DLG2: variants seen among roughly 807,000 people sequenced by gnomAD.
DLG2 encodes the protein disks large homolog 2.
In DLG2, 45 loss-of-function variants were observed where a neutral mutation model predicts 132.5. The ratio of observed to expected loss-of-function variants is 0.34; its 90% CI spans 0.27 to 0.44. DLG2 has a LOEUF of 0.44. Ranked by LOEUF, DLG2 falls within the 20% of genes least tolerant of loss-of-function variation. DLG2 has a pLI of 1.00. For missense variants in DLG2, 1,045 were observed against 1,196.9 expected, an observed-to-expected ratio of 0.87 and a Z score of 1.87; for synonymous variants, 424 against 419.6, an observed-to-expected ratio of 1.01 and a Z score of -0.13.
chr11:83,504,910 AT>A (rs1178643255), intron 21 of DLG2, among the ~76,000 whole-genome samples: 3 of 152,162 alleles, frequency 2.0e-5, no homozygotes, highest in African/African-American at 7.2e-5. Context: ...CTATTTCACC[AT>A]TCTATCAATC....
intron 4 of DLG2, among the ~76,000 whole-genome samples, chr11:85,167,349 G>C (rs1031517941): frequency 2.6e-5 from 4 of 152,056 alleles, no homozygotes; most frequent in East Asian, 3.9e-4. Context: ...TCATACAAAA[G>C]AAATGTTACA....
chr11:83,498,782 T>G (rs2094294419), intron 21 of DLG2, among the ~76,000 whole-genome samples: 1 of 151,436 alleles, frequency 6.6e-6, no homozygotes, highest in Non-Finnish European at 1.5e-5. Context: ...ATCTTTTTTT[T>G]TTTTTGCAAA....
intron 3 of DLG2, among the ~76,000 whole-genome samples, chr11:85,445,966 T>C (rs1036730469): frequency 6.6e-6 from 1 of 152,180 alleles, no homozygotes; most frequent in Non-Finnish European, 1.5e-5. Context: ...CACAGAGATA[T>C]TAAACAACTT....
intron 8 of DLG2, among the ~76,000 whole-genome samples, chr11:84,221,736 C>G (rs530026690): frequency 1.3e-5 from 2 of 152,042 alleles, no homozygotes; most frequent in African/African-American, 4.8e-5. Context: ...GTTAGCATTA[C>G]AATTTGAAGG....
At chr11:84,161,878 A>G (rs2095554892) in intron 9 of DLG2, among the ~76,000 whole-genome samples, 1 of 152,194 alleles carries the variant, frequency 6.6e-6, no homozygotes, top group African/African-American at 2.4e-5. Flanking sequence ...CTCATTTTCC[A>G]TAAGCCTCAC....
chr11:84,752,987 G>T (rs1306218694), intron 6 of DLG2, among the ~76,000 whole-genome samples: 2 of 152,030 alleles, frequency 1.3e-5, no homozygotes, highest in East Asian at 3.9e-4. Flanking sequence ...ATTTGGGTTG[G>T]TTCCAAGATA....
At chr11:84,721,867 G>T (rs777297340) in intron 6 of DLG2, among the ~76,000 whole-genome samples, 6 of 152,236 alleles carry the variant, frequency 3.9e-5, no homozygotes, top group African/African-American at 1.2e-4. Flanking sequence ...AGGAAGACTA[G>T]ACAGATATAC....
intron 4 of DLG2, among the ~76,000 whole-genome samples, chr11:85,277,762 T>C (rs556482619): frequency 6.6e-6 from 1 of 152,270 alleles, no homozygotes; most frequent in South Asian, 2.1e-4. Flanking sequence ...TGAGAAATGA[T>C]GCTTTGTCAA....
intron 6 of DLG2, among the ~76,000 whole-genome samples, chr11:84,740,290 G>A (rs2064424604): frequency 6.6e-6 from 1 of 151,932 alleles, no homozygotes; most frequent in African/African-American, 2.4e-5. Flanking sequence ...TCAGCACAAA[G>A]GCAAGAGGGA....
intron 15 of DLG2, among the ~76,000 whole-genome samples, chr11:83,880,860 A>G (rs2066052784): frequency 6.6e-6 from 1 of 152,204 alleles, no homozygotes; most frequent in Non-Finnish European, 1.5e-5. Context: ...TGTCCACAGT[A>G]GCCACTGGAT....
chr11:85,164,427 C>A (rs1174175737), intron 4 of DLG2, among the ~76,000 whole-genome samples: 1 of 152,126 alleles, frequency 6.6e-6, no homozygotes, highest in African/African-American at 2.4e-5. Flanking sequence ...TACATACATA[C>A]AAAGCACTCA....
intron 17 of DLG2, among the ~76,000 whole-genome samples, chr11:83,792,675 A>G (rs1254821094): frequency 1.3e-5 from 2 of 152,172 alleles, no homozygotes; most frequent in Non-Finnish European, 2.9e-5. Context: ...CTTCCGATTA[A>G]TCTCATTCTT....
chr11:83,668,260 T>C (rs2076083080), intron 18 of DLG2, among the ~76,000 whole-genome samples: 1 of 152,024 alleles, frequency 6.6e-6, no homozygotes, highest in Non-Finnish European at 1.5e-5. Flanking sequence ...CATAAAAATA[T>C]CCAGTTGTCA....
At chr11:85,439,151 T>A (rs540309090) in intron 3 of DLG2, among the ~76,000 whole-genome samples, 42 of 152,138 alleles carry the variant, frequency 2.8e-4, no homozygotes, top group Admixed American at 8.5e-4. Context: ...CATTCACATA[T>A]AAGATTTTGT....
chr11:84,729,654 GT>G (rs1293815853), intron 6 of DLG2, among the ~76,000 whole-genome samples: 6 of 152,156 alleles, frequency 3.9e-5, no homozygotes, highest in Non-Finnish European at 1.5e-5. Context: ...GTCACACGTA[GT>G]GACTGCTTGG....
chr11:83,734,504 G>T (rs1256580780), intron 18 of DLG2, among the ~76,000 whole-genome samples: 1 of 151,622 alleles, frequency 6.6e-6, no homozygotes, highest in Admixed American at 6.6e-5. Flanking sequence ...AGGCTGGAGT[G>T]CAGTGGCACT....
intron 6 of DLG2, among the ~76,000 whole-genome samples, chr11:84,648,231 G>A (rs1407953984): frequency 6.6e-6 from 1 of 152,176 alleles, no homozygotes; most frequent in Non-Finnish European, 1.5e-5. Flanking sequence ...ACTTGGAGAT[G>A]CATAGAAGAA....
intron 6 of DLG2, among the ~76,000 whole-genome samples, chr11:84,781,674 T>C (rs1353748872): frequency 6.6e-6 from 1 of 152,150 alleles, no homozygotes; most frequent in East Asian, 1.9e-4. Flanking sequence ...TGAGACCCTC[T>C]GACAACCGCA....
At chr11:84,449,854 C>T (rs576781284) in intron 7 of DLG2, among the ~76,000 whole-genome samples, 60 of 151,766 alleles carry the variant, frequency 4.0e-4, no homozygotes, top group South Asian at 8.3e-4. Context: ...ATACTAATCA[C>T]ATTAAGAAGT....
Sources: allele counts gnomAD v4.1 joint callset (sites outside exome capture counted in the v4.1 genomes callset), GRCh38; gene constraint gnomAD v4.1.1; transcripts MANE v1.5; gene names NCBI Gene and HGNC (gene_info 2026-07-23, HGNC 2026-07-21).